The following NDRG3 variants were observed in gnomAD, a reference collection of about 807,000 sequenced individuals.
NDRG3 encodes protein NDRG3.
Under a neutral mutation model 57.2 loss-of-function variants are expected in NDRG3, and 23 were observed. The ratio of observed to expected loss-of-function variants is 0.40; its 90% CI spans 0.29 to 0.57. The LOEUF is 0.57. Among genes scored for constraint, NDRG3 ranks in the 20% least tolerant of loss-of-function variants. NDRG3 has a pLI of 0.42. For missense variants in NDRG3, 384 were observed against 457.3 expected (o/e 0.84, Z 1.46); for synonymous variants, 132 against 162.6 (o/e 0.81, Z 1.43).
intron 1 of NDRG3, among the ~76,000 whole-genome samples, chr20:36,736,014 C>T (rs921759885): frequency 6.7e-6 from 1 of 148,944 alleles, no homozygotes; most frequent in African/African-American, 2.5e-5. Context: ...TCAGGAGACA[C>T]CAAGAACAAT....
At chr20:36,669,616 T>C (rs1024576485) in intron 9 of NDRG3, among the ~76,000 whole-genome samples, 3 of 152,022 alleles carry the variant, frequency 2.0e-5, no homozygotes, top group Non-Finnish European at 4.4e-5. Flanking sequence ...CCACCTGCCT[T>C]GGCCTCCTAA....
chr20:36,736,860 G>A (rs1483903715), intron 1 of NDRG3, among the ~76,000 whole-genome samples: 3 of 152,132 alleles, frequency 2.0e-5, no homozygotes, highest in African/African-American at 7.2e-5. Flanking sequence ...AAGGGGTGGG[G>A]AAGGATCAAA....
chr20:36,675,019 C>T (rs967145251), intron 8 of NDRG3, among the ~76,000 whole-genome samples: 3 of 148,746 alleles, frequency 2.0e-5, no homozygotes, highest in Non-Finnish European at 3.0e-5. Flanking sequence ...CTCAGCTTAC[C>T]GAGTAGCTGG....
chr20:36,663,272 A>G (rs1979355322), intron 12 of NDRG3, among the ~76,000 whole-genome samples: 2 of 152,154 alleles, frequency 1.3e-5, no homozygotes, highest in African/African-American at 4.8e-5. Context: ...TGCGAATGTT[A>G]TCCTTTCACA....
chr20:36,683,532 G>A (rs775466592), intron 6 of NDRG3, among the ~76,000 whole-genome samples: 18 of 151,950 alleles, frequency 1.2e-4, no homozygotes, highest in East Asian at 3.9e-4. Flanking sequence ...CAGGAAAATC[G>A]TTTGAACCCA....
Position 36,687,481 on chromosome 20 carries a change from C to T in NDRG3, c.320+11G>A, listed in dbSNP as rs367729463. 9.9e-6 allele frequency: 16 copies of T among 1,611,228 alleles called. No individual in the cohort carries two copies. The Admixed American group carries it at 1.0e-4, about 10-fold the overall frequency. ...GTGCACGTCTCCCAGATGATCTTTT[C>T]GTGGCCTTACCCTGTTGGGAAAGAG... On this transcript the variant is annotated intron_variant, in intron 5 of 15. Coordinates refer to ENST00000349004, the MANE Select transcript of NDRG3 (RefSeq NM_032013.4).
intron 8 of NDRG3, 111 bp from the exon 9 acceptor site, chr20:36,671,508 A>T (rs1980159326): frequency 1.2e-6 from 1 of 823,574 alleles, no homozygotes; most frequent in African/African-American, 1.7e-5. Context: ...TTAAAAACAA[A>T]TGAAAAACCC....
At chr20:36,682,934 C>T (rs1392117835) in intron 6 of NDRG3, among the ~76,000 whole-genome samples, 3 of 146,876 alleles carry the variant, frequency 2.0e-5, no homozygotes, top group South Asian at 2.2e-4. Context: ...GGCATGGTGG[C>T]GTGCGCCTGT....
intron 2 of NDRG3, among the ~76,000 whole-genome samples, chr20:36,707,922 A>G (rs2148170719): frequency 6.6e-6 from 1 of 152,048 alleles, no homozygotes; most frequent in Admixed American, 6.6e-5. Context: ...CGTCTCTACT[A>G]AAAATACAAA....
At chr20:36,745,825 G>A (rs1294331527) in intron 1 of NDRG3, among the ~76,000 whole-genome samples, 1 of 152,104 alleles carries the variant, frequency 6.6e-6, no homozygotes, top group African/African-American at 2.4e-5. Context: ...CCGGCGGGCT[G>A]GGCGCGGGGA....
intron 13 of NDRG3, among the ~76,000 whole-genome samples, chr20:36,660,027 T>G (rs1328015036): frequency 6.6e-6 from 1 of 151,540 alleles, no homozygotes; most frequent in Non-Finnish European, 1.5e-5. Context: ...GCTAACACGG[T>G]GAAACCCCGT....
chr20:36,728,542 C>T (rs1435490941), intron 1 of NDRG3, among the ~76,000 whole-genome samples: 2 of 152,168 alleles, frequency 1.3e-5, no homozygotes, highest in African/African-American at 4.8e-5. Context: ...AAACAAACTC[C>T]AGTGGGCATC....
chr20:36,703,473 T>C (rs558888320), intron 3 of NDRG3, among the ~76,000 whole-genome samples: 3 of 152,110 alleles, frequency 2.0e-5, no homozygotes, highest in Admixed American at 6.6e-5. Context: ...TGTGTGTGTG[T>C]GTGTAATATA....
intron 2 of NDRG3, among the ~76,000 whole-genome samples, chr20:36,718,843 G>T (rs541508344): frequency 1.3e-5 from 2 of 151,992 alleles, no homozygotes; most frequent in South Asian, 2.1e-4. Context: ...ACCACACCTG[G>T]ATCATTTTTT....
At chr20:36,704,942 A>G (rs1983455689) in intron 3 of NDRG3, among the ~76,000 whole-genome samples, 1 of 152,180 alleles carries the variant, frequency 6.6e-6, no homozygotes, top group South Asian at 2.1e-4. Context: ...GGATTCAGGA[A>G]GAATGGGGTT....
At chr20:36,702,159 C>T (rs1274785746) in intron 3 of NDRG3, among the ~76,000 whole-genome samples, 3 of 151,414 alleles carry the variant, frequency 2.0e-5, no homozygotes, top group Non-Finnish European at 2.9e-5. Flanking sequence ...TTTTTTGAGA[C>T]GGAGTCTTGC....
intron 12 of NDRG3, among the ~76,000 whole-genome samples, chr20:36,662,036 G>T (rs1202750473): frequency 6.6e-6 from 1 of 152,088 alleles, no homozygotes; most frequent in Non-Finnish European, 1.5e-5. Flanking sequence ...TTAAAAACTG[G>T]ATCCCTAACT....
intron 3 of NDRG3, among the ~76,000 whole-genome samples, chr20:36,704,435 AC>A (rs1246879977): frequency 6.6e-6 from 1 of 151,964 alleles, no homozygotes; most frequent in Non-Finnish European, 1.5e-5. Flanking sequence ...ATACTTCTAC[AC>A]TTTGGGGCAG....
Position 36,693,105 on chromosome 20 carries a change from A to AATATATAT in NDRG3, c.94-4329_94-4322dup, listed in dbSNP as rs1290033865. Reference sequence around the variant, plus strand: ...AAAAAAAAAAAAAAAAAAAAAAAAAAATATATATATATATATATATATATA... The same window carrying AATATATAT: ...AAAAAAAAAAAAAAAAAAAAAAAAAAATATATATATATATATATATATATATATATATA... On this transcript the variant is annotated intron_variant, in intron 3 of 15. Coordinates refer to ENST00000349004, the MANE Select transcript of NDRG3 (RefSeq NM_032013.4). Among the ~76,000 whole-genome samples the AATATATAT allele has an allele frequency of 8.7e-3, 224 of 25,802 alleles. 1 individual carries two copies. Among genetic ancestry groups the AATATATAT allele is most frequent in the South Asian group, 0.013 (6 of 464 alleles). 16.9% of individuals were successfully genotyped at this position (25,802 alleles called of 152,430 possible). A position where few individuals can be genotyped will look rare whatever the true frequency, so the allele number is the denominator to read the frequency against.
Sources: allele counts gnomAD v4.1 joint callset (sites outside exome capture counted in the v4.1 genomes callset), GRCh38; gene constraint gnomAD v4.1.1; transcripts MANE v1.5; gene names NCBI Gene and HGNC (gene_info 2026-07-23, HGNC 2026-07-21).